FAM222B: variants seen among roughly 807,000 people sequenced by gnomAD.
The protein encoded by FAM222B is family with sequence similarity 222 member B, also known as protein FAM222B.
FAM222B carries 12 observed loss-of-function variants against 38.0 expected under a neutral mutation model. The ratio of observed to expected loss-of-function variants is 0.32; its 90% CI spans 0.20 to 0.51. The LOEUF is 0.51. Among genes scored for constraint, FAM222B ranks in the 20% least tolerant of loss-of-function variants. The pLI is 0.97. For missense variants in FAM222B, 716 were observed against 754.2 expected (o/e 0.95, Z 0.59); for synonymous variants, 329 against 317.2 (o/e 1.04, Z -0.40).
intron 1 of FAM222B, among the ~76,000 whole-genome samples, chr17:28,817,592 G>A (rs777387825): frequency 1.3e-5 from 2 of 152,070 alleles, no homozygotes; most frequent in South Asian, 2.1e-4. Flanking sequence ...CATGGTGGTC[G>A]CCTATAATCC....
At chr17:28,780,611 G>A (rs1029548625) in intron 1 of FAM222B, among the ~76,000 whole-genome samples, 4 of 152,046 alleles carry the variant, frequency 2.6e-5, no homozygotes, top group African/African-American at 9.6e-5. Flanking sequence ...GATGGGTGCG[G>A]TGGCTCATGA....
chr17:28,759,070 G>C lies in FAM222B; in HGVS notation c.889C>G (p.Pro297Ala). 1.9e-6 allele frequency: 3 copies of C among 1,612,080 alleles called. No homozygotes were observed. Among genetic ancestry groups the C allele is most frequent in the Non-Finnish European group, 2.5e-6 (3 of 1,179,136 alleles). Residue 297 changes from proline to alanine, a missense_variant, in exon 3 of 3, where the codon CCC becomes GCC. Transcript: ENST00000581407. This position sits in a 1 kb window ranked among gnomAD's most constrained non-coding sequence, Gnocchi z 4.8. ...TTGATGAGCAGACTGCGACTAATGG[G>C]GCTGGGGTTGGCGATCTGGCCCTCA... is the stretch of plus-strand genomic sequence containing the variant. ...VCEGQIANPSPISRSLLINAS... is the reference protein window; with the variant it reads ...VCEGQIANPSAISRSLLINAS...
At position 28,758,239 on chromosome 17, in the gene FAM222B, A is replaced by T; in HGVS notation, c.*31T>A. ...ACTAAACCTAGGAGGGTGATGTATG[A>T]TGTGTTGCACGTGGAGGGCAGCAGG... On this transcript the variant is annotated 3_prime_UTR_variant, in exon 3 of 3. Coordinates refer to ENST00000581407, the MANE Select transcript of FAM222B (RefSeq NM_001077498.3). 6.7e-7 allele frequency: 1 copy of T among 1,501,050 alleles called. No individual in the cohort carries two copies. Among genetic ancestry groups the T allele is most frequent in the African/African-American group, 1.4e-5 (1 of 71,598 alleles). The allele number at this position is 1,501,050 out of a possible 1,614,324, so 93.0% of individuals were successfully genotyped here. A position where few individuals can be genotyped will look rare whatever the true frequency, so the allele number is the denominator to read the frequency against.
chr17:28,789,079 C>CAAAAAAA (rs397857027), intron 1 of FAM222B, among the ~76,000 whole-genome samples: 3 of 63,450 alleles, frequency 4.7e-5, no homozygotes, highest in East Asian at 5.0e-4. Context: ...AAAGATACCT[C>CAAAAAAA]AAAAAAAAAA....
At chr17:28,793,245 AT>A (rs1308452693) in intron 1 of FAM222B, among the ~76,000 whole-genome samples, 1 of 152,042 alleles carries the variant, frequency 6.6e-6, no homozygotes, top group African/African-American at 2.4e-5. Flanking sequence ...CCATGTTCAC[AT>A]TTTAGTAAGA....
At chr17:28,812,903 AG>A (rs1030800341) in intron 1 of FAM222B, among the ~76,000 whole-genome samples, 13 of 150,234 alleles carry the variant, frequency 8.7e-5, no homozygotes, top group African/African-American at 3.2e-4. Flanking sequence ...CTCTGCCTCT[AG>A]TCTAATCAAC....
At chr17:28,778,697 G>GTATATATATATATA (rs1204895077) in intron 1 of FAM222B, among the ~76,000 whole-genome samples, 6 of 45,342 alleles carry the variant, frequency 1.3e-4, no homozygotes, top group South Asian at 2.2e-3. Flanking sequence ...GTGTGTGTGT[G>GTATATATATATATA]TATATATATA....
Position 28,837,892 on chromosome 17 carries a change from A to T in FAM222B, c.-41+4790T>A, listed in dbSNP as rs887747593. Among the ~76,000 whole-genome samples, 5 of 151,962 alleles carry T rather than the reference A, an allele frequency of 3.3e-5. No individual in the cohort carries two copies. In the East Asian group the frequency reaches 9.7e-4, roughly 30 times the overall value. Reference sequence around the variant, plus strand: ...GGTCTTGAATTCCTGACCTCAAATGATCCACCCACCTCGGCCTCCCAAAGT... The same window carrying T: ...GGTCTTGAATTCCTGACCTCAAATGTTCCACCCACCTCGGCCTCCCAAAGT... On this transcript the variant is annotated intron_variant, in intron 1 of 2. Coordinates refer to ENST00000581407, the MANE Select transcript of FAM222B (RefSeq NM_001077498.3).
chr17:28,813,042 AGG>A (rs1555582938), intron 1 of FAM222B, among the ~76,000 whole-genome samples: 15 of 10,734 alleles, frequency 1.4e-3, no homozygotes, highest in African/African-American at 8.1e-3. Context: ...GGGGGGGGGG[AGG>A]GGGGGGCGTT....
intron 2 of FAM222B, among the ~76,000 whole-genome samples, chr17:28,764,730 G>A (rs1021917676): frequency 2.6e-5 from 4 of 151,656 alleles, no homozygotes; most frequent in African/African-American, 9.7e-5. Context: ...CTAGCAACAA[G>A]AGCAAAACTC....
chr17:28,840,128 C>T (rs1194436441), intron 1 of FAM222B, among the ~76,000 whole-genome samples: 1 of 152,140 alleles, frequency 6.6e-6, no homozygotes, highest in Non-Finnish European at 1.5e-5. Context: ...GTGATCCCAG[C>T]ACTTTGGGAG....
At chr17:28,775,054 GCAGTGGCGCGATCT>G (rs1158159777) in intron 1 of FAM222B, among the ~76,000 whole-genome samples, 1 of 139,746 alleles carries the variant, frequency 7.2e-6, no homozygotes, top group Non-Finnish European at 1.5e-5. Flanking sequence ...CGGCTGGAGT[GCAGTGGCGCGATCT>G]CAGGTCACTA....
At chr17:28,800,134 C>G (rs572742410) in intron 1 of FAM222B, among the ~76,000 whole-genome samples, 1 of 152,004 alleles carries the variant, frequency 6.6e-6, no homozygotes, top group South Asian at 2.1e-4. Context: ...CGCGTTCAAG[C>G]GATTCTCCTG....
At chr17:28,763,595 C>A (rs1463547879) in intron 2 of FAM222B, among the ~76,000 whole-genome samples, 2 of 152,260 alleles carry the variant, frequency 1.3e-5, no homozygotes, top group African/African-American at 2.4e-5. Flanking sequence ...GAACCTCTAT[C>A]TGTAGGCAGA....
chr17:28,773,296 G>A (rs1050369478), intron 1 of FAM222B, among the ~76,000 whole-genome samples: 1 of 151,800 alleles, frequency 6.6e-6, no homozygotes, highest in Non-Finnish European at 1.5e-5. Context: ...GGCCAACGTG[G>A]TGAAACCCCA....
In FAM222B at chr17:28,759,284, G is replaced by A. The variant is rs776615931; in HGVS notation, c.675C>T (p.Pro225=). 6 of 1,612,924 alleles carry A rather than the reference G, an allele frequency of 3.7e-6. No individual in the cohort carries two copies. Among genetic ancestry groups the A allele is most frequent in the Non-Finnish European group, 5.1e-6 (6 of 1,179,546 alleles). ...AHQGLQHPHN[P]LLHGGRKMPD... is the part of the protein sequence containing the mutation. ...GCATCTTCCGGCCTCCATGCAGCAA[G>A]GGATTGTGGGGGTGCTGGAGACCCT... The change falls in exon 3 of 3, where the codon CCC becomes CCT. Residue 225 remains proline (P), a synonymous_variant. Coordinates refer to ENST00000581407, the MANE Select transcript of FAM222B (RefSeq NM_001077498.3). This position sits in a 1 kb window ranked among gnomAD's most constrained non-coding sequence, Gnocchi z 4.8.
At chr17:28,771,884 C>G (rs1333362623) in intron 1 of FAM222B, among the ~76,000 whole-genome samples, 1 of 152,062 alleles carries the variant, frequency 6.6e-6, no homozygotes, top group African/African-American at 2.4e-5. Context: ...GAAACCCTGT[C>G]TCTACTAAAA....
chr17:28,836,583 C>T (rs906163421), intron 1 of FAM222B, among the ~76,000 whole-genome samples: 1 of 151,826 alleles, frequency 6.6e-6, no homozygotes. Flanking sequence ...AGGGGGTCTG[C>T]GTGAGAGGGT....
intron 1 of FAM222B, among the ~76,000 whole-genome samples, chr17:28,771,385 TAA>T (rs926198335): frequency 6.6e-6 from 1 of 152,044 alleles, no homozygotes; most frequent in Non-Finnish European, 1.5e-5. Flanking sequence ...GCAACATATA[TAA>T]AATAACAACA....
Sources: allele counts gnomAD v4.1 joint callset (sites outside exome capture counted in the v4.1 genomes callset), GRCh38; gene constraint gnomAD v4.1.1; non-coding constraint Gnocchi (gnomAD v3.1); transcripts MANE v1.5; gene names NCBI Gene and HGNC (gene_info 2026-07-23, HGNC 2026-07-21).